GABRB1: variants seen among roughly 807,000 people sequenced by gnomAD.
GABRB1 encodes gamma-aminobutyric acid type A receptor subunit beta1, also known as gamma-aminobutyric acid receptor subunit beta-1.
A neutral mutation model predicts 51.6 loss-of-function variants in GABRB1; 17 were observed. That is an observed-to-expected ratio of 0.33 (90% CI 0.23 to 0.49). The LOEUF (loss-of-function observed/expected upper bound fraction) is 0.49. GABRB1 is among the 20% of genes least tolerant of loss of function. The pLI is 0.99. For missense variants in GABRB1, 410 were observed against 600.6 expected, an observed-to-expected ratio of 0.68 and a Z score of 3.32; for synonymous variants, 247 against 218.9, an observed-to-expected ratio of 1.13 and a Z score of -1.14.
chr4:47,154,663 C>T (rs1032643287), intron 3 of GABRB1, among the ~76,000 whole-genome samples: 3 of 151,958 alleles, frequency 2.0e-5, no homozygotes, highest in Non-Finnish European at 4.4e-5. Context: ...AGCAAATTAG[C>T]ACAAGGAAAG....
At chr4:46,999,568 G>C (rs1438155073) in intron 1 of GABRB1, among the ~76,000 whole-genome samples, 1 of 152,088 alleles carries the variant, frequency 6.6e-6, no homozygotes, top group Non-Finnish European at 1.5e-5. Flanking sequence ...TAAGATATAT[G>C]TTTCAATATA....
intron 4 of GABRB1, among the ~76,000 whole-genome samples, chr4:47,190,479 A>C (rs1719395917): frequency 6.6e-6 from 1 of 152,108 alleles, no homozygotes; most frequent in East Asian, 1.9e-4. Flanking sequence ...TCCTTCCAAC[A>C]AACCTGATCA....
intron 4 of GABRB1, among the ~76,000 whole-genome samples, chr4:47,269,314 C>T (rs1017247663): frequency 6.6e-6 from 1 of 152,162 alleles, no homozygotes; most frequent in Non-Finnish European, 1.5e-5. Context: ...TTATGCACTT[C>T]TTTATTAACT....
intron 1 of GABRB1, among the ~76,000 whole-genome samples, chr4:47,000,906 C>A (rs1724158529): frequency 6.6e-6 from 1 of 152,086 alleles, no homozygotes; most frequent in African/African-American, 2.4e-5. Context: ...AGGGTCAAAC[C>A]AGATTCATGC....
At chr4:47,424,296 G>A (rs867572539) in intron 8 of GABRB1, among the ~76,000 whole-genome samples, 6 of 152,286 alleles carry the variant, frequency 3.9e-5, no homozygotes, top group Middle Eastern at 3.4e-3. Context: ...CTGTGTAAAC[G>A]AGCCAGATTG....
intron 5 of GABRB1, among the ~76,000 whole-genome samples, chr4:47,346,842 G>A (rs1039077302): frequency 2.0e-5 from 3 of 152,186 alleles, no homozygotes; most frequent in Non-Finnish European, 4.4e-5. Flanking sequence ...GATGACCAGG[G>A]GCATCTTCTC....
intron 5 of GABRB1, among the ~76,000 whole-genome samples, chr4:47,353,807 T>A (rs1726452975): frequency 6.6e-6 from 1 of 152,132 alleles, no homozygotes; most frequent in Non-Finnish European, 1.5e-5. Context: ...AGTTCACAAC[T>A]CTTTTAGTTT....
intron 3 of GABRB1, among the ~76,000 whole-genome samples, chr4:47,067,153 T>C (rs543080043): frequency 6.6e-6 from 1 of 152,320 alleles, no homozygotes; most frequent in South Asian, 2.1e-4. Flanking sequence ...GAAGTAGATC[T>C]TAACAATGTG....
intron 3 of GABRB1, among the ~76,000 whole-genome samples, chr4:47,046,174 C>A (rs937899564): frequency 2.0e-5 from 3 of 152,056 alleles, no homozygotes; most frequent in African/African-American, 7.2e-5. Flanking sequence ...CCTCCCCAGC[C>A]ATGTGGAACT....
chr4:47,153,215 G>A (rs1481522285), intron 3 of GABRB1, among the ~76,000 whole-genome samples: 1 of 151,948 alleles, frequency 6.6e-6, no homozygotes, highest in Non-Finnish European at 1.5e-5. Flanking sequence ...TAATACAATC[G>A]TTTAAATATA....
At chr4:47,312,037 TTGTGTGTG>T (rs36206411) in intron 4 of GABRB1, among the ~76,000 whole-genome samples, 6,277 of 140,826 alleles carry the variant, frequency 0.045, 185 homozygotes, top group African/African-American at 0.075. Flanking sequence ...TACCCAAGGC[TTGTGTGTG>T]TGTGTGTGTG....
At chr4:47,380,263 A>T (rs1367150257) in intron 5 of GABRB1, among the ~76,000 whole-genome samples, 1 of 152,256 alleles carries the variant, frequency 6.6e-6, no homozygotes, top group Non-Finnish European at 1.5e-5. Context: ...CCAAGTAATA[A>T]CTTTAGTAAA....
chr4:47,231,996 A>T (rs960161460), intron 4 of GABRB1, among the ~76,000 whole-genome samples: 6 of 152,148 alleles, frequency 3.9e-5, no homozygotes, highest in African/African-American at 1.4e-4. Flanking sequence ...ATTGCCCATG[A>T]AGTAGTAGGT....
intron 1 of GABRB1, among the ~76,000 whole-genome samples, chr4:47,020,227 C>A (rs952618269): frequency 6.6e-6 from 1 of 152,084 alleles, no homozygotes; most frequent in Non-Finnish European, 1.5e-5. Context: ...TTTATTAGGA[C>A]CCCAACCTTT....
intron 8 of GABRB1, among the ~76,000 whole-genome samples, chr4:47,408,265 T>C (rs1728643163): frequency 6.6e-6 from 1 of 152,094 alleles, no homozygotes; most frequent in Non-Finnish European, 1.5e-5. Context: ...GCAAAGGAAA[T>C]AGCAAGTGCA....
chr4:47,365,796 C>A (rs949749014), intron 5 of GABRB1, among the ~76,000 whole-genome samples: 1 of 152,228 alleles, frequency 6.6e-6, no homozygotes, highest in Non-Finnish European at 1.5e-5. Context: ...TTCTCCTGAG[C>A]TACACCCTCT....
intron 4 of GABRB1, among the ~76,000 whole-genome samples, chr4:47,191,550 A>G (rs1431573792): frequency 6.6e-6 from 1 of 152,234 alleles, no homozygotes; most frequent in Non-Finnish European, 1.5e-5. Flanking sequence ...AAAGCTGAGT[A>G]GAATGAGACT....
At chr4:47,185,039 T>G (rs982625287) in intron 4 of GABRB1, among the ~76,000 whole-genome samples, 3 of 151,862 alleles carry the variant, frequency 2.0e-5, no homozygotes, top group African/African-American at 7.2e-5. Flanking sequence ...CGGATTTCAC[T>G]CCTCTAAAAT....
intron 3 of GABRB1, among the ~76,000 whole-genome samples, chr4:47,042,003 A>G (rs1328990218): frequency 6.6e-6 from 1 of 152,076 alleles, no homozygotes; most frequent in African/African-American, 2.4e-5. Context: ...ATAAAAGACA[A>G]AAGACCCAAT....
Sources: gnomAD v4.1 joint callset for allele counts (sites outside exome capture counted in the v4.1 genomes callset) on GRCh38, gnomAD v4.1.1 for gene constraint, MANE v1.5 for transcripts, NCBI Gene and HGNC (gene_info 2026-07-23, HGNC 2026-07-21) for gene names.